REDIC1: variants seen among roughly 807,000 people sequenced by gnomAD.
REDIC1 encodes the protein HEI10 Interacting Protein 1.
At chr12:39,814,921 G>A in the REDIC1 span, among the ~76,000 whole-genome samples, 2 of 151,908 alleles carry the variant, frequency 1.3e-5, no homozygotes, top group Admixed American at 6.6e-5. Context: ...TTGTGGAGCT[G>A]AGATTTTTAA....
the REDIC1 span, among the ~76,000 whole-genome samples, chr12:39,699,754 G>A: frequency 6.6e-6 from 1 of 152,200 alleles, no homozygotes; most frequent in Non-Finnish European, 1.5e-5. Context: ...CTGAGAACAG[G>A]CAGAATGCCT....
At chr12:39,902,413 A>C in the REDIC1 span, among the ~76,000 whole-genome samples, 2 of 152,080 alleles carry the variant, frequency 1.3e-5, no homozygotes, top group African/African-American at 2.4e-5. Context: ...ACTATTTTTA[A>C]ACTTGAAATG....
the REDIC1 span, among the ~76,000 whole-genome samples, chr12:39,627,779 G>A: frequency 2.0e-5 from 3 of 152,056 alleles, no homozygotes; most frequent in African/African-American, 4.8e-5. Context: ...TAAATTTAAC[G>A]TTTTATTTGG....
the REDIC1 span, among the ~76,000 whole-genome samples, chr12:39,803,448 G>A: frequency 6.6e-6 from 1 of 152,046 alleles, no homozygotes. Flanking sequence ...AAATAAGCAT[G>A]AGTATAATTA....
At chr12:39,825,708 C>T in the REDIC1 span, among the ~76,000 whole-genome samples, 12 of 152,060 alleles carry the variant, frequency 7.9e-5, no homozygotes, top group Non-Finnish European at 1.0e-4. Flanking sequence ...CCTTCTCTCT[C>T]TTCTTGATTA....
chr12:39,798,906 C>T, the REDIC1 span, among the ~76,000 whole-genome samples: 1 of 151,558 alleles, frequency 6.6e-6, no homozygotes, highest in African/African-American at 2.4e-5. Flanking sequence ...AATAATACAA[C>T]AGCTTTATAA....
chr12:39,640,426 T>C, the REDIC1 span, among the ~76,000 whole-genome samples: 1 of 152,066 alleles, frequency 6.6e-6, no homozygotes, highest in East Asian at 1.9e-4. Flanking sequence ...TATTTTGTTA[T>C]AGCAGCCTGA....
the REDIC1 span, chr12:39,759,773 G>T: frequency 4.3e-5 from 18 of 419,828 alleles, no homozygotes; most frequent in Non-Finnish European, 6.8e-5. Flanking sequence ...ACTATTTCAG[G>T]AAGGCATTAC....
the REDIC1 span, among the ~76,000 whole-genome samples, chr12:39,899,326 T>C: frequency 6.6e-6 from 1 of 152,184 alleles, no homozygotes; most frequent in Non-Finnish European, 1.5e-5. Context: ...TTGGTGGTGA[T>C]ATCCCCTTTA....
the REDIC1 span, among the ~76,000 whole-genome samples, chr12:39,668,690 A>C: frequency 2.6e-5 from 4 of 152,128 alleles, no homozygotes; most frequent in Non-Finnish European, 5.9e-5. Context: ...TTTCAGGTAC[A>C]CCAATCAGAC....
chr12:39,636,346 G>GA, the REDIC1 span, among the ~76,000 whole-genome samples: 1 of 151,910 alleles, frequency 6.6e-6, no homozygotes, highest in Non-Finnish European at 1.5e-5. Flanking sequence ...ATACTTATGT[G>GA]AAAACTTTTT....
chr12:39,877,476 T>G, the REDIC1 span, among the ~76,000 whole-genome samples: 51 of 152,304 alleles, frequency 3.3e-4, no homozygotes, highest in African/African-American at 1.1e-3. Flanking sequence ...ATTCAAGAGG[T>G]GATTTGGGTG....
At chr12:39,628,625 C>T in the REDIC1 span, among the ~76,000 whole-genome samples, 1 of 151,998 alleles carries the variant, frequency 6.6e-6, no homozygotes, top group African/African-American at 2.4e-5. Flanking sequence ...AGTAATTCAG[C>T]AAATATATTT....
At chr12:39,686,732 A>G in the REDIC1 span, among the ~76,000 whole-genome samples, 3 of 152,150 alleles carry the variant, frequency 2.0e-5, no homozygotes, top group Admixed American at 1.3e-4. Flanking sequence ...TTTCTACCAC[A>G]TGGCCAGGCT....
chr12:39,850,902 ATT>A, the REDIC1 span, among the ~76,000 whole-genome samples: 11 of 144,896 alleles, frequency 7.6e-5, no homozygotes, highest in Admixed American at 1.4e-4. Flanking sequence ...CACAAAGTTA[ATT>A]TTTTTTTTTT....
the REDIC1 span, among the ~76,000 whole-genome samples, chr12:39,658,827 C>G: frequency 2.6e-5 from 4 of 152,240 alleles, no homozygotes; most frequent in South Asian, 4.1e-4. Context: ...AAGAATCTTA[C>G]AGTAGTATAC....
the REDIC1 span, among the ~76,000 whole-genome samples, chr12:39,727,057 G>A: frequency 6.6e-6 from 1 of 152,118 alleles, no homozygotes; most frequent in Non-Finnish European, 1.5e-5. Context: ...TGCAGATTCT[G>A]GATATTAGCC....
At chr12:39,713,905 GTA>G in the REDIC1 span, among the ~76,000 whole-genome samples, 1 of 147,098 alleles carries the variant, frequency 6.8e-6, no homozygotes, top group Non-Finnish European at 1.5e-5. Context: ...ACGTATATAC[GTA>G]TGTGTATATG....
At chr12:39,667,367 T>C in the REDIC1 span, among the ~76,000 whole-genome samples, 2 of 152,334 alleles carry the variant, frequency 1.3e-5, no homozygotes, top group East Asian at 3.9e-4. Context: ...TTCCATGTAG[T>C]TTAGCGGTTT....
Sources: gnomAD v4.1 joint callset for allele counts (sites outside exome capture counted in the v4.1 genomes callset) on GRCh38, gnomAD v4.1.1 for gene constraint, MANE v1.5 for transcripts, NCBI Gene and HGNC (gene_info 2026-07-23, HGNC 2026-07-21) for gene names.